AATK: variants seen among roughly 807,000 people sequenced by gnomAD.
AATK encodes the protein lemur tail kinase 1.
In AATK, 91 loss-of-function variants were observed where a neutral mutation model predicts 114.3. The observed-to-expected ratio is 0.80, with a 90% CI of 0.67 to 0.95. The LOEUF is 0.95. Ranked by LOEUF, AATK falls within the 40% of genes least tolerant of loss-of-function variation. The probability of loss-of-function intolerance (pLI) is 0.00; values close to 1 mark genes in which losing one functional copy is unlikely to be tolerated. For missense variants in AATK, 2,176 were observed against 1,965.2 expected (o/e 1.11, Z -2.03); for synonymous variants, 1,075 against 916.5 (o/e 1.17, Z -3.12).
chr17:81,132,129 G>A (rs1162653484), intron 2 of AATK: 12 of 889,920 alleles, frequency 1.3e-5, no homozygotes, highest in African/African-American at 1.8e-5. Flanking sequence ...AAAGTCCTGG[G>A]CCCAGCTGAA....
intron 2 of AATK, among the ~76,000 whole-genome samples, 176 bp from the exon 3 acceptor site, chr17:81,131,381 C>T (rs1482775578): frequency 2.0e-5 from 3 of 152,218 alleles, no homozygotes; most frequent in Non-Finnish European, 4.4e-5. Context: ...CCCCTGCTAA[C>T]TGCCCTTCCA....
At chr17:81,131,571 C>T (rs755816331) in intron 2 of AATK, among the ~76,000 whole-genome samples, 5 of 152,178 alleles carry the variant, frequency 3.3e-5, no homozygotes, top group Non-Finnish European at 7.4e-5. Context: ...GGCGGGCAGC[C>T]CAGGCTGAGC....
intron 1 of AATK, among the ~76,000 whole-genome samples, chr17:81,141,836 C>T (rs112314491): frequency 0.06 from 9,088 of 152,300 alleles, 376 homozygotes; most frequent in Non-Finnish European, 0.096. Flanking sequence ...AAGGACTCTG[C>T]CCAGGCTAAC....
intron 1 of AATK, among the ~76,000 whole-genome samples, chr17:81,157,968 C>T (rs1023159974): frequency 6.6e-6 from 1 of 152,254 alleles, no homozygotes; most frequent in Non-Finnish European, 1.5e-5. Context: ...TCCAGCTGGC[C>T]CCCTACAGAC....
chr17:81,145,062 G>A (rs183882561), intron 1 of AATK, among the ~76,000 whole-genome samples: 113 of 152,034 alleles, frequency 7.4e-4, no homozygotes, highest in African/African-American at 2.3e-3. Flanking sequence ...GTGAAACTCC[G>A]CCTCTACTAA....
chr17:81,162,831 G>A (rs930386551), intron 1 of AATK, among the ~76,000 whole-genome samples: 3 of 152,162 alleles, frequency 2.0e-5, no homozygotes, highest in Non-Finnish European at 2.9e-5. Flanking sequence ...GGGGAGAGGC[G>A]GGGGTTGGGG....
chr17:81,141,138 A>G (rs56412625), intron 1 of AATK, among the ~76,000 whole-genome samples: 42,388 of 152,148 alleles, frequency 0.28, 6,582 homozygotes, highest in African/African-American at 0.39. Flanking sequence ...AGCCTCCACC[A>G]CATTGACTAT....
chr17:81,120,151 C>A, intron 11 of AATK, 50 bp downstream of exon 11: 1 of 1,515,790 alleles, frequency 6.6e-7, no homozygotes, highest in African/African-American at 1.4e-5. Flanking sequence ...CCCCTTCCTG[C>A]GGGAGCGCGA....
At chr17:81,165,916 G>T (rs769968058) in intron 1 of AATK, 22 bp downstream of exon 1, 72 of 1,569,786 alleles carry the variant, frequency 4.6e-5, no homozygotes, top group South Asian at 3.2e-4. Flanking sequence ...GCGGCGCGCA[G>T]GCCGGGCCGC....
chr17:81,162,931 G>A (rs1028739716), intron 1 of AATK, among the ~76,000 whole-genome samples: 2 of 152,168 alleles, frequency 1.3e-5, no homozygotes, highest in African/African-American at 4.8e-5. Flanking sequence ...CTGCGTCAGG[G>A]ATCAGCCATG....
chr17:81,143,203 C>G (rs2061163595), intron 1 of AATK, among the ~76,000 whole-genome samples: 1 of 152,190 alleles, frequency 6.6e-6, no homozygotes, highest in African/African-American at 2.4e-5. Flanking sequence ...CGATGAGCCC[C>G]CACCCCCGCA....
rs571033468 is a variant in AATK, at chr17:81,124,859, A to C, written c.841-11T>G. 2 of 1,601,502 alleles carry C rather than the reference A, an allele frequency of 1.2e-6. No homozygotes were observed. The highest frequency in any genetic ancestry group is 3.4e-5 in the Admixed American group (2 of 58,214). On this transcript the variant is annotated splice_polypyrimidine_tract_variant and intron_variant, in intron 8 of 13. Coordinates refer to ENST00000326724, the MANE Select transcript of AATK (RefSeq NM_001080395.3). ...CACGAAGTAGTCCTCCTGTTGGCAC[A>C]GGGACGGGTCACCCCTGCCGGCGCA...
chr17:81,131,575 G>A (rs564153090), intron 2 of AATK, among the ~76,000 whole-genome samples: 64 of 152,234 alleles, frequency 4.2e-4, no homozygotes, highest in African/African-American at 1.4e-3. Flanking sequence ...GGCAGCCCAG[G>A]CTGAGCCCCA....
chr17:81,163,032 G>A (rs2061443710), intron 1 of AATK, among the ~76,000 whole-genome samples: 1 of 152,144 alleles, frequency 6.6e-6, no homozygotes, highest in South Asian at 2.1e-4. Context: ...CCTTACAGAT[G>A]ACAAAACAGG....
At position 81,122,544 on chromosome 17, in the gene AATK, G is replaced by A. The variant is rs374609689; in HGVS notation, c.1392C>T (p.Asp464=). 1.9e-3 allele frequency: 2,809 copies of A among 1,477,020 alleles called. 4 individuals carry two copies. The highest frequency in any genetic ancestry group is 2.4e-3 in the Non-Finnish European group (2,662 of 1,109,576). The allele number at this position is 1,477,020 out of a possible 1,614,324, so 91.5% of individuals were successfully genotyped here. ...GGCTGGTCTCGGTCACCGTCAGCAC[G>A]TCGTCGCCGTCCGCGTGGAAGCCGT... The part of the protein sequence containing the change: ...AGDGFHADGD[D]VLTVTETSRG... The change falls in exon 11 of 14, where the codon GAC becomes GAT. Residue 464 remains aspartate (D), a synonymous_variant. Transcript: ENST00000326724.
chr17:81,148,808 ACG>A (rs1225075827), intron 1 of AATK, among the ~76,000 whole-genome samples: 12 of 147,208 alleles, frequency 8.2e-5, no homozygotes, highest in African/African-American at 1.5e-4. Context: ...GCACACACTC[ACG>A]CGCACACTCA....
At chr17:81,122,927 A>G in intron 10 of AATK, 104 bp from the exon 11 acceptor site, 1 of 1,113,328 alleles carries the variant, frequency 9.0e-7, no homozygotes, top group East Asian at 2.9e-5. Flanking sequence ...TCTTGGGGGC[A>G]TTAAGGGTAT....
chr17:81,156,421 CAG>C (rs575554804), intron 1 of AATK, among the ~76,000 whole-genome samples: 25 of 152,094 alleles, frequency 1.6e-4, no homozygotes, highest in African/African-American at 5.1e-4. Context: ...GTTTTTGAGA[CAG>C]AGTCTTGCTC....
At chr17:81,145,685 A>G (rs1040544371) in intron 1 of AATK, among the ~76,000 whole-genome samples, 42 of 151,244 alleles carry the variant, frequency 2.8e-4, no homozygotes, top group African/African-American at 9.7e-4. Flanking sequence ...GTGAGCGGAA[A>G]TCGTGCCATT....
Sources: gnomAD v4.1 joint callset for allele counts (sites outside exome capture counted in the v4.1 genomes callset) on GRCh38, gnomAD v4.1.1 for gene constraint, MANE v1.5 for transcripts, NCBI Gene and HGNC (gene_info 2026-07-23, HGNC 2026-07-21) for gene names.